The following MMP16 variants were observed in gnomAD, a reference collection of about 807,000 sequenced individuals.
The protein encoded by MMP16 is matrix metalloproteinase-16.
MMP16 carries 12 observed loss-of-function variants against 67.8 expected under a neutral mutation model. The observed-to-expected ratio is 0.18, with a 90% CI of 0.11 to 0.29. The LOEUF is 0.29. Ranked by LOEUF, MMP16 falls within the 10% of genes least tolerant of loss-of-function variation. The pLI is 1.00. For missense variants in MMP16, 475 were observed against 765.7 expected, an observed-to-expected ratio of 0.62 and a Z score of 4.48; for synonymous variants, 249 against 255.9, an observed-to-expected ratio of 0.97 and a Z score of 0.26.
chr8:88,302,677 T>C (rs1811122197), intron 1 of MMP16, among the ~76,000 whole-genome samples: 1 of 151,644 alleles, frequency 6.6e-6, no homozygotes, highest in Admixed American at 6.6e-5. Context: ...GGGGAAACAG[T>C]TAAAGTGAGT....
At chr8:88,116,420 A>G in intron 6 of MMP16, 87 bp downstream of exon 6, 2 of 1,110,784 alleles carry the variant, frequency 1.8e-6, no homozygotes, top group South Asian at 1.5e-5. Context: ...CTGGGAAGGT[A>G]GTGTTAGAAT....
At chr8:88,242,947 G>A (rs1269442171) in intron 1 of MMP16, among the ~76,000 whole-genome samples, 1 of 152,056 alleles carries the variant, frequency 6.6e-6, no homozygotes, top group Non-Finnish European at 1.5e-5. Flanking sequence ...ATGTCCTTAG[G>A]CTGACTAGAT....
At position 88,035,779 on chromosome 8, in the gene MMP16, T is replaced by G. The variant is rs1808046666; in HGVS notation, c.*5682A>C. 1 of 152,014 alleles carries G rather than the reference T, an allele frequency of 6.6e-6. No individual in the cohort carries two copies. The highest frequency in any genetic ancestry group is 2.4e-5 in the African/African-American group (1 of 41,434). 9.4% of individuals were successfully genotyped at this position (152,014 alleles called of 1,614,324 possible). On this transcript the variant is annotated 3_prime_UTR_variant, in exon 10 of 10. Coordinates refer to ENST00000286614, the MANE Select transcript of MMP16 (RefSeq NM_005941.5). The surrounding 1 kb of genome is among the most constrained non-coding windows in gnomAD (Gnocchi z 4.7). The stretch of plus-strand genomic sequence containing the variant: ...GAATTTTACAATATGTGTTTTTCCC[T>G]TAATTTCTGTGAGTATGTCCAATCA...
chr8:88,149,365 C>G (rs1377361334), intron 4 of MMP16, among the ~76,000 whole-genome samples: 1 of 152,150 alleles, frequency 6.6e-6, no homozygotes, highest in Non-Finnish European at 1.5e-5. Context: ...CACCACAGCT[C>G]AAGGAGGCCT....
intron 1 of MMP16, among the ~76,000 whole-genome samples, chr8:88,317,812 C>T (rs554252221): frequency 6.6e-6 from 1 of 152,034 alleles, no homozygotes; most frequent in Non-Finnish European, 1.5e-5. Context: ...TATTGGTCAA[C>T]CACCATATTG....
intron 4 of MMP16, among the ~76,000 whole-genome samples, chr8:88,144,122 C>T (rs1808254536): frequency 6.6e-6 from 1 of 151,918 alleles, no homozygotes; most frequent in African/African-American, 2.4e-5. Context: ...GGGCTATTGA[C>T]TCTGGTTTAA....
intron 1 of MMP16, among the ~76,000 whole-genome samples, chr8:88,309,314 T>G (rs1324261012): frequency 6.6e-6 from 1 of 151,938 alleles, no homozygotes; most frequent in Non-Finnish European, 1.5e-5. Context: ...TTGTTCTACA[T>G]GCACTGGTAG....
chr8:88,080,247 G>A (rs935409057), intron 6 of MMP16, among the ~76,000 whole-genome samples: 2 of 152,070 alleles, frequency 1.3e-5, no homozygotes, highest in African/African-American at 2.4e-5. Context: ...ACTGTCATAG[G>A]ATGAGTATAT....
intron 1 of MMP16, among the ~76,000 whole-genome samples, chr8:88,277,520 T>C (rs1476707487): frequency 1.3e-5 from 2 of 152,176 alleles, no homozygotes; most frequent in African/African-American, 4.8e-5. Flanking sequence ...TTTCTCTTTC[T>C]GGATCGACTA....
intron 6 of MMP16, among the ~76,000 whole-genome samples, chr8:88,083,292 T>C (rs1425040093): frequency 2.0e-5 from 3 of 152,064 alleles, no homozygotes; most frequent in Non-Finnish European, 4.4e-5. Context: ...ATAAAAGCCA[T>C]AATATTCCAG....
intron 8 of MMP16, among the ~76,000 whole-genome samples, chr8:88,049,636 A>G (rs1808244735): frequency 6.6e-6 from 1 of 152,204 alleles, no homozygotes; most frequent in Non-Finnish European, 1.5e-5. Flanking sequence ...GTTTCCTCTC[A>G]TAATAGAATA....
chr8:88,131,548 G>C (rs1183289502), intron 4 of MMP16, among the ~76,000 whole-genome samples: 1 of 151,700 alleles, frequency 6.6e-6, no homozygotes, highest in Non-Finnish European at 1.5e-5. Flanking sequence ...ACTGTGCTCT[G>C]CTAGACAACA....
chr8:88,097,531 TG>T (rs1160255282), intron 6 of MMP16, among the ~76,000 whole-genome samples: 1 of 139,448 alleles, frequency 7.2e-6, no homozygotes, highest in Non-Finnish European at 1.5e-5. Context: ...TAGACTCAGG[TG>T]GGAGGGTCAC....
At chr8:88,194,928 A>G (rs1330115771) in intron 2 of MMP16, among the ~76,000 whole-genome samples, 1 of 152,162 alleles carries the variant, frequency 6.6e-6, no homozygotes, top group Non-Finnish European at 1.5e-5. Context: ...GGCTGCCTAT[A>G]TAGTTGATCT....
intron 1 of MMP16, among the ~76,000 whole-genome samples, chr8:88,271,579 C>T (rs78813920): frequency 1.3e-5 from 2 of 152,116 alleles, no homozygotes; most frequent in African/African-American, 4.8e-5. Flanking sequence ...CTGCAACCTC[C>T]GCCTCCCGGG....
intron 6 of MMP16, among the ~76,000 whole-genome samples, chr8:88,088,223 CT>C (rs1808875575): frequency 6.7e-6 from 1 of 150,120 alleles, no homozygotes; most frequent in Admixed American, 6.7e-5. Context: ...TGTTAAGCCC[CT>C]ATAGATATAT....
chr8:88,158,806 A>G (rs1396529675), intron 4 of MMP16, among the ~76,000 whole-genome samples: 4 of 152,092 alleles, frequency 2.6e-5, no homozygotes, highest in African/African-American at 9.7e-5. Flanking sequence ...TAGGTCTAAC[A>G]TTTAAGTCTT....
At chr8:88,049,891 G>A (rs1808247783) in intron 8 of MMP16, among the ~76,000 whole-genome samples, 20 of 152,146 alleles carry the variant, frequency 1.3e-4, no homozygotes, top group Admixed American at 1.1e-3. Flanking sequence ...TGGGCATGGT[G>A]GTGCACACCT....
intron 4 of MMP16, among the ~76,000 whole-genome samples, chr8:88,161,903 C>A (rs186378886): frequency 1.3e-5 from 2 of 151,960 alleles, no homozygotes; most frequent in Non-Finnish European, 1.5e-5. Context: ...AGTTTGATTG[C>A]GCTGTGGTCT....
Sources: gnomAD v4.1 joint callset for allele counts (sites outside exome capture counted in the v4.1 genomes callset) on GRCh38, gnomAD v4.1.1 for gene constraint, Gnocchi (gnomAD v3.1) non-coding constraint, MANE v1.5 for transcripts, NCBI Gene and HGNC (gene_info 2026-07-23, HGNC 2026-07-21) for gene names.